Variants in DOCK2 observed in about 807,000 individuals in gnomAD.
DOCK2 encodes the protein dedicator of cytokinesis protein 2.
A neutral mutation model predicts 248.9 loss-of-function variants in DOCK2; 87 were observed. That is an observed-to-expected ratio of 0.35 (90% CI 0.29 to 0.42). DOCK2 has a LOEUF of 0.42. Among genes scored for constraint, DOCK2 ranks in the 10% least tolerant of loss-of-function variants. DOCK2 has a pLI of 1.00. For synonymous variants in DOCK2, 805 were observed against 821.6 expected (o/e 0.98, Z 0.35); for missense variants, 1,747 against 2,300.2 (o/e 0.76, Z 4.92).
chr5:170,015,672 C>T (rs1308947840), intron 32 of DOCK2, among the ~76,000 whole-genome samples: 2 of 152,132 alleles, frequency 1.3e-5, no homozygotes, highest in Admixed American at 6.5e-5. Context: ...TGCCCTCATC[C>T]TTGTTCATTG....
chr5:169,836,131 A>C (rs1470365302), intron 26 of DOCK2, among the ~76,000 whole-genome samples: 6 of 152,238 alleles, frequency 3.9e-5, no homozygotes, highest in Non-Finnish European at 8.8e-5. Context: ...ATAAAATTTC[A>C]TATCAAAACT....
intron 27 of DOCK2, among the ~76,000 whole-genome samples, chr5:169,862,318 A>C (rs551338153): frequency 6.6e-6 from 1 of 152,376 alleles, no homozygotes; most frequent in African/African-American, 2.4e-5. Flanking sequence ...GGTTATTTAC[A>C]TTCTAGCATG....
At chr5:169,839,455 A>G (rs1769804042) in intron 26 of DOCK2, among the ~76,000 whole-genome samples, 1 of 152,150 alleles carries the variant, frequency 6.6e-6, no homozygotes. Flanking sequence ...TCAGACCCAG[A>G]GCTTCTGAAG....
chr5:169,894,698 C>A (rs578180025), intron 27 of DOCK2, among the ~76,000 whole-genome samples: 4 of 152,140 alleles, frequency 2.6e-5, no homozygotes, highest in Non-Finnish European at 5.9e-5. Flanking sequence ...ACAGCGTGCC[C>A]AGCAGCATGT....
chr5:169,783,766 T>C (rs1194248641), intron 25 of DOCK2, among the ~76,000 whole-genome samples: 1 of 152,226 alleles, frequency 6.6e-6, no homozygotes, highest in African/African-American at 2.4e-5. Context: ...TATAAAAACT[T>C]ACAAAGTAGG....
chr5:169,769,841 A>G (rs765957115), intron 25 of DOCK2, among the ~76,000 whole-genome samples: 12 of 152,200 alleles, frequency 7.9e-5, no homozygotes, highest in African/African-American at 2.9e-4. Context: ...TTGACATATC[A>G]TTCTAGCATT....
intron 27 of DOCK2, among the ~76,000 whole-genome samples, chr5:169,979,233 T>C (rs1777851148): frequency 6.6e-6 from 1 of 152,198 alleles, no homozygotes; most frequent in African/African-American, 2.4e-5. Context: ...CACTGTAAAG[T>C]TTGAACAACG....
intron 22 of DOCK2, 112 bp from the exon 23 acceptor site, chr5:169,747,284 C>A: frequency 1.1e-6 from 1 of 900,434 alleles, no homozygotes; most frequent in Non-Finnish European, 1.7e-6. Flanking sequence ...CTTGAAGTCC[C>A]CACCTCCCAC....
Position 169,917,151 on chromosome 5 carries a change from A to G in DOCK2, c.2800-65917A>G, listed in dbSNP as rs572504535. Among the ~76,000 whole-genome samples, 7 of 152,324 alleles carry G rather than the reference A, an allele frequency of 4.6e-5. No homozygotes were observed. The East Asian group carries it at 1.3e-3, about 29-fold the overall frequency. ...GACAAAAGACAACCTTTTTTAGTGA[A>G]GGAAAATTCACAGCAACCAATCTGG... On this transcript the variant is annotated intron_variant, in intron 27 of 51. Transcript: ENST00000520908.
intron 8 of DOCK2, among the ~76,000 whole-genome samples, chr5:169,685,791 A>AGATG (rs1759937322): frequency 6.6e-6 from 1 of 152,162 alleles, no homozygotes; most frequent in Admixed American, 6.5e-5. Flanking sequence ...CCGTGTCACT[A>AGATG]AGATGAGAAA....
At chr5:170,014,975 A>G (rs1293158184) in intron 32 of DOCK2, among the ~76,000 whole-genome samples, 4 of 152,216 alleles carry the variant, frequency 2.6e-5, no homozygotes, top group African/African-American at 4.8e-5. Flanking sequence ...AGTGTCAGCC[A>G]TGGTAGGGAA....
At chr5:169,724,076 C>T (rs987638422) in intron 22 of DOCK2, among the ~76,000 whole-genome samples, 1 of 152,140 alleles carries the variant, frequency 6.6e-6, no homozygotes, top group South Asian at 2.1e-4. Flanking sequence ...TCTGATGAAG[C>T]AAATGTGAGA....
intron 27 of DOCK2, among the ~76,000 whole-genome samples, chr5:169,913,243 C>T (rs773702841): frequency 1.1e-4 from 17 of 152,176 alleles, no homozygotes; most frequent in Non-Finnish European, 1.8e-4. Flanking sequence ...GGAAACTATT[C>T]GGCTCTACTC....
At chr5:169,829,405 C>A (rs1769081165) in intron 26 of DOCK2, among the ~76,000 whole-genome samples, 1 of 152,142 alleles carries the variant, frequency 6.6e-6, no homozygotes. Flanking sequence ...TTCATTAGCC[C>A]ATGCAGTAAT....
chr5:169,786,472 A>G (rs1863994), intron 25 of DOCK2, among the ~76,000 whole-genome samples: 132,940 of 152,162 alleles, frequency 0.87, 58,190 homozygotes, highest in East Asian at 0.98. Flanking sequence ...GATGAAACCG[A>G]GCTGAAATGA....
rs1755637700 is a variant in DOCK2, at chr5:170,019,163, C to A, written c.3381+55C>A. 4.3e-6 allele frequency: 7 copies of A among 1,610,828 alleles called. 1 individual carries two copies. The African/African-American group carries it at 8.0e-5, about 18-fold the overall frequency. ...GCATGCCTAATCCCCAGCCCATTTC[C>A]CCATAATGATATCCTCATTCCATCT... is the stretch of plus-strand genomic sequence containing the variant. On this transcript the variant is annotated intron_variant, in intron 33 of 51. Coordinates refer to ENST00000520908, the MANE Select transcript of DOCK2 (RefSeq NM_004946.3).
At chr5:169,939,849 G>A (rs1428412361) in intron 27 of DOCK2, among the ~76,000 whole-genome samples, 1 of 152,234 alleles carries the variant, frequency 6.6e-6, no homozygotes, top group Non-Finnish European at 1.5e-5. Flanking sequence ...GTCAGGCACT[G>A]AATAAGGTAC....
intron 30 of DOCK2, among the ~76,000 whole-genome samples, chr5:170,006,809 G>T (rs1170207233): frequency 6.6e-6 from 1 of 152,206 alleles, no homozygotes; most frequent in African/African-American, 2.4e-5. Flanking sequence ...TTTGTTAAAT[G>T]CATCCCCAGC....
At position 169,892,882 on chromosome 5, in the gene DOCK2, G is replaced by A. The variant is rs150179571; in HGVS notation, c.2799+52030G>A. On this transcript the variant is annotated intron_variant, in intron 27 of 51. Coordinates refer to ENST00000520908, the MANE Select transcript of DOCK2 (RefSeq NM_004946.3). The stretch of plus-strand genomic sequence containing the variant: ...TTTCTCTTTTATTGTGTTTCCCTCT[G>A]TCTTCACTCCTTCTTTTCCCCTTCT... 5.7e-4 allele frequency among the ~76,000 whole-genome samples: 87 copies of A among 151,912 alleles called. 1 individual carries two copies. The East Asian group carries it at 0.014, about 25-fold the overall frequency.
Sources: gnomAD v4.1 joint callset for allele counts (sites outside exome capture counted in the v4.1 genomes callset) on GRCh38, gnomAD v4.1.1 for gene constraint, MANE v1.5 for transcripts, NCBI Gene and HGNC (gene_info 2026-07-23, HGNC 2026-07-21) for gene names.